Variants in FREM2 observed in about 807,000 individuals in gnomAD.
FREM2 encodes FRAS1 related extracellular matrix 2.
Under a neutral mutation model 219.9 loss-of-function variants are expected in FREM2, and 119 were observed. The ratio of observed to expected loss-of-function variants is 0.54; its 90% CI spans 0.47 to 0.63. The LOEUF (loss-of-function observed/expected upper bound fraction) is 0.63, where lower values mean the gene tolerates loss of function less well. Among genes scored for constraint, FREM2 ranks in the 30% least tolerant of loss-of-function variants. FREM2 has a pLI of 0.00. For missense variants in FREM2, 4,030 were observed against 3,993.6 expected, an observed-to-expected ratio of 1.01 and a Z score of -0.25; for synonymous variants, 1,562 against 1,522.8, an observed-to-expected ratio of 1.03 and a Z score of -0.60.
intron 6 of FREM2, among the ~76,000 whole-genome samples, chr13:38,831,895 T>C (rs1199119300): frequency 6.6e-6 from 1 of 152,016 alleles, no homozygotes; most frequent in Non-Finnish European, 1.5e-5. Context: ...GCTGGGATTA[T>C]AGCCGTGAGC....
intron 2 of FREM2, among the ~76,000 whole-genome samples, chr13:38,702,533 CTT>C (rs1566110269): frequency 6.6e-6 from 1 of 151,996 alleles, no homozygotes; most frequent in Admixed American, 6.6e-5. Context: ...CTCGTGTAAA[CTT>C]TTTTGTTTGT....
chr13:38,783,979 A>G (rs1023501583), intron 5 of FREM2, among the ~76,000 whole-genome samples: 1 of 152,224 alleles, frequency 6.6e-6, no homozygotes, highest in Non-Finnish European at 1.5e-5. Context: ...CGCGCCTGTA[A>G]TCTCAGCTAC....
intron 11 of FREM2, among the ~76,000 whole-genome samples, chr13:38,852,920 G>A (rs1877425194): frequency 6.6e-6 from 1 of 151,648 alleles, no homozygotes; most frequent in Admixed American, 6.6e-5. Flanking sequence ...TGGCCAGGCT[G>A]GCCTCAAACT....
At chr13:38,822,638 G>A (rs1876112789) in intron 6 of FREM2, among the ~76,000 whole-genome samples, 1 of 151,984 alleles carries the variant, frequency 6.6e-6, no homozygotes, top group African/African-American at 2.4e-5. Flanking sequence ...CCAGGGGATC[G>A]CTATCCTCCC....
chr13:38,852,844 A>G (rs967995960), intron 11 of FREM2, among the ~76,000 whole-genome samples: 4 of 151,928 alleles, frequency 2.6e-5, no homozygotes, highest in East Asian at 2.0e-4. Context: ...AGCTAGGACT[A>G]CAGGCATGCA....
intron 12 of FREM2, among the ~76,000 whole-genome samples, 166 bp from the exon 13 acceptor site, chr13:38,857,709 G>A (rs1178897288): frequency 6.6e-6 from 1 of 152,206 alleles, no homozygotes; most frequent in Non-Finnish European, 1.5e-5. Context: ...AAGGTCATGT[G>A]CTGCAGGCCA....
rs574771652 is a variant in FREM2 at position 38,784,996 on chromosome 13, T to C, written c.6019+188T>C. ...GGTTTGTCTTCCTTGATTTAATGTT[T>C]TTAAAGGGCAAAAGTCACAATTATG... On this transcript the variant is annotated intron_variant, in intron 6 of 23. Transcript: ENST00000280481. Among the ~76,000 whole-genome samples, 102 of 152,332 alleles carry C rather than the reference T, an allele frequency of 6.7e-4. No homozygotes were observed. In the South Asian group the frequency reaches 0.012, roughly 18 times the overall value.
chr13:38,852,791 G>A (rs574357465), intron 11 of FREM2, among the ~76,000 whole-genome samples: 42 of 149,984 alleles, frequency 2.8e-4, no homozygotes, highest in Admixed American at 1.9e-3. Flanking sequence ...TGCAGTCTCC[G>A]TGTCTTAGGT....
intron 2 of FREM2, among the ~76,000 whole-genome samples, chr13:38,733,725 C>T (rs1303576444): frequency 6.6e-6 from 1 of 152,132 alleles, no homozygotes; most frequent in Non-Finnish European, 1.5e-5. Flanking sequence ...CCAGGCTGGT[C>T]TTGAGCCCCT....
chr13:38,852,738 G>A (rs990769470), intron 11 of FREM2, among the ~76,000 whole-genome samples: 2 of 143,258 alleles, frequency 1.4e-5, no homozygotes, highest in African/African-American at 5.2e-5. Context: ...AGAGTCTCAC[G>A]CTGTTGGCCA....
At position 38,701,359 on chromosome 13, in the gene FREM2, G is replaced by T. The variant is rs138987334; in HGVS notation, c.5263+3572G>T. Among the ~76,000 whole-genome samples, 684 of 152,174 alleles carry T rather than the reference G, an allele frequency of 4.5e-3. 7 individuals are homozygous for T. The highest frequency in any genetic ancestry group is 0.016 in the African/African-American group (655 of 41,546). On this transcript the variant is annotated intron_variant, in intron 2 of 23. Coordinates refer to ENST00000280481, the MANE Select transcript of FREM2 (RefSeq NM_207361.6). Reference sequence around the variant, plus strand: ...TGTATATATGTAGCAACTGCCTGTGGATTTAGCTGTCTTCCATTTCTTTTG... The same window carrying T: ...TGTATATATGTAGCAACTGCCTGTGTATTTAGCTGTCTTCCATTTCTTTTG...
At chr13:38,748,832 T>A (rs537946318) in intron 2 of FREM2, among the ~76,000 whole-genome samples, 1 of 152,290 alleles carries the variant, frequency 6.6e-6, no homozygotes, top group East Asian at 1.9e-4. Flanking sequence ...GAAAAACATG[T>A]AAAGGATGCT....
In FREM2 at chr13:38,857,872, T is replaced by C. The variant is rs769682678; in HGVS notation, c.7057-3T>C. The C allele has an allele frequency of 8.1e-6, 13 of 1,611,854 alleles. No homozygotes were observed. The highest frequency in any genetic ancestry group is 1.1e-5 in the Non-Finnish European group (13 of 1,178,062). ...ATCAGTGATAATTGTCTTTTCCTTCTAGTTGACGAAAGCCATTGTGTACAT... is the reference window on the plus strand; with the variant it reads ...ATCAGTGATAATTGTCTTTTCCTTCCAGTTGACGAAAGCCATTGTGTACAT... On this transcript the variant is annotated splice_polypyrimidine_tract_variant and splice_region_variant and intron_variant, in intron 12 of 23. Coordinates refer to ENST00000280481, the MANE Select transcript of FREM2 (RefSeq NM_207361.6).
intron 5 of FREM2, 40 bp downstream of exon 5, chr13:38,783,235 G>T (rs377636759): frequency 9.9e-6 from 16 of 1,611,102 alleles, no homozygotes; most frequent in African/African-American, 2.7e-5. Flanking sequence ...ACCCCCAAAA[G>T]ATATAAATAA....
chr13:38,711,352 G>C (rs189764946), intron 2 of FREM2, among the ~76,000 whole-genome samples: 2 of 152,122 alleles, frequency 1.3e-5, no homozygotes, highest in Admixed American at 6.5e-5. Flanking sequence ...AGATAAAGTG[G>C]ACTAGCAAAG....
intron 2 of FREM2, among the ~76,000 whole-genome samples, chr13:38,727,546 A>T (rs57247568): frequency 0.12 from 18,307 of 152,256 alleles, 1,295 homozygotes; most frequent in Middle Eastern, 0.24. Context: ...GTATTTCAAA[A>T]TTTTTATTTC....
chr13:38,859,600 T>C lies in FREM2; in HGVS notation c.7519+10T>C. On this transcript the variant is annotated intron_variant, in intron 14 of 23. Transcript: ENST00000280481. ...ATCAGCAGAGAAGAAGGTCAGTCAT[T>C]GCCATTTTCCCCTGAAGATCACTGG... 6.2e-7 allele frequency: 1 copy of C among 1,612,582 alleles called. No homozygotes were observed. The highest frequency in any genetic ancestry group is 1.1e-5 in the South Asian group (1 of 90,812).
chr13:38,845,376 T>C (rs1434159040), intron 6 of FREM2, among the ~76,000 whole-genome samples: 1 of 152,142 alleles, frequency 6.6e-6, no homozygotes, highest in African/African-American at 2.4e-5. Context: ...TGATATCATG[T>C]TTTTAGTGGC....
chr13:38,843,361 G>A (rs927450466), intron 6 of FREM2, among the ~76,000 whole-genome samples: 3 of 151,992 alleles, frequency 2.0e-5, no homozygotes, highest in South Asian at 4.2e-4. Context: ...AAATTGTACT[G>A]GGGTAGGGGT....
Sources: gnomAD v4.1 joint callset for allele counts (sites outside exome capture counted in the v4.1 genomes callset) on GRCh38, gnomAD v4.1.1 for gene constraint, MANE v1.5 for transcripts, NCBI Gene and HGNC (gene_info 2026-07-23, HGNC 2026-07-21) for gene names.